The following OSTF1 variants were observed in gnomAD, a reference collection of about 807,000 sequenced individuals.
OSTF1 encodes the protein osteoclast stimulating factor 1.
In OSTF1, 27 loss-of-function variants were observed where a neutral mutation model predicts 37.2. The observed-to-expected ratio is 0.73, with a 90% CI of 0.54 to 1.00. The LOEUF (loss-of-function observed/expected upper bound fraction) is 1.00, where lower values mean the gene tolerates loss of function less well. Ranked by LOEUF, OSTF1 falls within the 50% of genes least tolerant of loss-of-function variation. The pLI is 0.00. For missense variants in OSTF1, 232 were observed against 253.8 expected, an observed-to-expected ratio of 0.91 and a Z score of 0.58; for synonymous variants, 82 against 89.2, an observed-to-expected ratio of 0.92 and a Z score of 0.46.
At chr9:75,136,229 A>T (rs1224140223) in intron 7 of OSTF1, among the ~76,000 whole-genome samples, 1 of 152,108 alleles carries the variant, frequency 6.6e-6, no homozygotes, top group African/African-American at 2.4e-5. Context: ...ACACAATATG[A>T]TCTTATATCT....
chr9:75,127,510 A>G, intron 2 of OSTF1, 59 bp from the exon 3 acceptor site: 1 of 928,208 alleles, frequency 1.1e-6, no homozygotes, highest in Non-Finnish European at 1.7e-6. Flanking sequence ...TTGAATCTAT[A>G]TAATCATATT....
At chr9:75,113,803 A>G (rs1825434129) in intron 1 of OSTF1, among the ~76,000 whole-genome samples, 1 of 152,204 alleles carries the variant, frequency 6.6e-6, no homozygotes, top group South Asian at 2.1e-4. Context: ...TTGTGGTGAG[A>G]ACACTTCAAA....
At chr9:75,112,987 G>A (rs1056325424) in intron 1 of OSTF1, among the ~76,000 whole-genome samples, 3 of 151,964 alleles carry the variant, frequency 2.0e-5, no homozygotes, top group East Asian at 1.9e-4. Context: ...TCCTCCTTCC[G>A]CTTGGTGTTT....
chr9:75,096,959 C>T (rs553630653), intron 1 of OSTF1, among the ~76,000 whole-genome samples: 1 of 152,112 alleles, frequency 6.6e-6, no homozygotes. Flanking sequence ...CTGGCTAGCA[C>T]GTATTATTTC....
chr9:75,106,995 A>AAAG (rs1272794156), intron 1 of OSTF1, among the ~76,000 whole-genome samples: 15 of 142,282 alleles, frequency 1.1e-4, no homozygotes, highest in African/African-American at 3.9e-4. Flanking sequence ...AAGAAAAAAA[A>AAAG]AAAAAAGCAG....
chr9:75,113,494 G>A (rs1447301980), intron 1 of OSTF1, among the ~76,000 whole-genome samples: 2 of 150,452 alleles, frequency 1.3e-5, no homozygotes, highest in African/African-American at 4.9e-5. Context: ...TCTCGCCCAA[G>A]CTGGAGTGCA....
At chr9:75,093,640 A>T (rs1825021530) in intron 1 of OSTF1, among the ~76,000 whole-genome samples, 1 of 152,232 alleles carries the variant, frequency 6.6e-6, no homozygotes, top group South Asian at 2.1e-4. Flanking sequence ...TTCAGAGTAA[A>T]AACATCATAA....
intron 1 of OSTF1, among the ~76,000 whole-genome samples, chr9:75,103,435 A>G (rs1825230212): frequency 6.6e-6 from 1 of 152,252 alleles, no homozygotes; most frequent in Non-Finnish European, 1.5e-5. Context: ...AGTATGACTC[A>G]TAGTTCTACC....
intron 5 of OSTF1, 49 bp downstream of exon 5, chr9:75,131,872 G>A (rs567051866): frequency 7.2e-6 from 10 of 1,390,396 alleles, no homozygotes; most frequent in South Asian, 2.3e-5. Context: ...TAAAAGGCAC[G>A]GATTTCAATT....
intron 6 of OSTF1, among the ~76,000 whole-genome samples, chr9:75,133,856 A>C (rs771143697): frequency 6.6e-6 from 1 of 152,198 alleles, no homozygotes; most frequent in Non-Finnish European, 1.5e-5. Context: ...TTCTGTTGTA[A>C]TCAATAATAA....
At chr9:75,095,920 C>G (rs1442048683) in intron 1 of OSTF1, among the ~76,000 whole-genome samples, 1 of 150,030 alleles carries the variant, frequency 6.7e-6, no homozygotes, top group Admixed American at 6.6e-5. Context: ...GAGATGGAGT[C>G]TTGCTCTGTC....
At chr9:75,119,432 G>T (rs370900843) in intron 2 of OSTF1, among the ~76,000 whole-genome samples, 1 of 152,310 alleles carries the variant, frequency 6.6e-6, no homozygotes, top group East Asian at 1.9e-4. Flanking sequence ...GTTGGTGAGG[G>T]ATTGGGAATG....
Position 75,133,278 on chromosome 9 carries a change from T to C in OSTF1, c.251-16T>C. 2 of 1,472,668 alleles carry C rather than the reference T, an allele frequency of 1.4e-6. No homozygotes were observed. The highest frequency in any genetic ancestry group is 1.9e-6 in the Non-Finnish European group (2 of 1,059,772). 91.2% of individuals were successfully genotyped at this position (1,472,668 alleles called of 1,614,324 possible). On this transcript the variant is annotated splice_polypyrimidine_tract_variant and intron_variant, in intron 5 of 9. Coordinates refer to ENST00000346234, the MANE Select transcript of OSTF1 (RefSeq NM_012383.5). ...GCTTTTTTTCTTGTGTTCTTGTAAA[T>C]GTAAAATTCTTTCAGGCAACTTGAG...
intron 2 of OSTF1, among the ~76,000 whole-genome samples, chr9:75,120,780 A>G (rs1825567999): frequency 6.6e-6 from 1 of 152,180 alleles, no homozygotes; most frequent in African/African-American, 2.4e-5. Context: ...TCCAGCCCCT[A>G]TTCCAGCCCC....
intron 1 of OSTF1, among the ~76,000 whole-genome samples, chr9:75,094,625 GTT>G (rs1304923056): frequency 3.3e-5 from 5 of 151,806 alleles, no homozygotes; most frequent in Non-Finnish European, 7.4e-5. Flanking sequence ...CATTGCCAAA[GTT>G]GTCCTCACTT....
At chr9:75,094,521 C>T (rs1262256749) in intron 1 of OSTF1, among the ~76,000 whole-genome samples, 3 of 152,052 alleles carry the variant, frequency 2.0e-5, no homozygotes, top group Non-Finnish European at 4.4e-5. Flanking sequence ...GGGTCCCCTC[C>T]CTTGGCGTTT....
rs933836172 is a variant in OSTF1, at chr9:75,146,670, C to G, written c.587-13C>G. The G allele has an allele frequency of 6.3e-7, 1 of 1,599,708 alleles. No individual in the cohort carries two copies. The highest frequency in any genetic ancestry group is 1.7e-5 in the Admixed American group (1 of 58,650). Reference sequence around the variant, plus strand: ...TTTCCCTATTTTGCTTTTTTCCCTCCTCTTTCTTTCAGATGCAGTTCGAAC... The same window carrying G: ...TTTCCCTATTTTGCTTTTTTCCCTCGTCTTTCTTTCAGATGCAGTTCGAAC... On this transcript the variant is annotated splice_polypyrimidine_tract_variant and intron_variant, in intron 9 of 9. Coordinates refer to ENST00000346234, the MANE Select transcript of OSTF1 (RefSeq NM_012383.5).
At chr9:75,132,900 A>T (rs1005676125) in intron 5 of OSTF1, among the ~76,000 whole-genome samples, 1 of 151,862 alleles carries the variant, frequency 6.6e-6, no homozygotes. Flanking sequence ...GCTTGTTCTT[A>T]GGTTTGATTG....
chr9:75,119,357 T>G (rs1041052653), intron 2 of OSTF1, among the ~76,000 whole-genome samples: 1 of 152,208 alleles, frequency 6.6e-6, no homozygotes, highest in African/African-American at 2.4e-5. Flanking sequence ...ATGAAATGTT[T>G]CTGGAGCAAG....
Sources: gnomAD v4.1 joint callset for allele counts (sites outside exome capture counted in the v4.1 genomes callset) on GRCh38, gnomAD v4.1.1 for gene constraint, MANE v1.5 for transcripts, NCBI Gene and HGNC (gene_info 2026-07-23, HGNC 2026-07-21) for gene names.